Variants in CNTN3 observed in about 807,000 individuals in gnomAD.
The protein encoded by CNTN3 is contactin 3.
CNTN3 carries 60 observed loss-of-function variants against 119.1 expected under a neutral mutation model. That is an observed-to-expected ratio of 0.50 (90% CI 0.41 to 0.62). The LOEUF is 0.62. Among genes scored for constraint, CNTN3 ranks in the 20% least tolerant of loss-of-function variants. CNTN3 has a pLI of 0.00. For synonymous variants in CNTN3, 450 were observed against 438.7 expected, an observed-to-expected ratio of 1.03 and a Z score of -0.32; for missense variants, 1,101 against 1,242.4, an observed-to-expected ratio of 0.89 and a Z score of 1.71.
intron 5 of CNTN3, among the ~76,000 whole-genome samples, chr3:74,394,249 G>A (rs1315915767): frequency 1.3e-5 from 2 of 152,064 alleles, no homozygotes; most frequent in Non-Finnish European, 2.9e-5. Flanking sequence ...AAAACTGAAG[G>A]AAAAAACTGC....
chr3:74,285,615 C>G, intron 19 of CNTN3, 124 bp from the exon 20 acceptor site: 1 of 949,408 alleles, frequency 1.1e-6, no homozygotes, highest in Non-Finnish European at 1.6e-6. Context: ...TTACTGAAGA[C>G]CTACTATGTG....
chr3:74,547,198 T>C (rs575904167), intron 1 of CNTN3, among the ~76,000 whole-genome samples: 6 of 152,374 alleles, frequency 3.9e-5, no homozygotes, highest in African/African-American at 1.4e-4. Flanking sequence ...CAGTGGTTTA[T>C]AAAATTTACA....
intron 4 of CNTN3, among the ~76,000 whole-genome samples, chr3:74,453,709 T>C (rs1465038124): frequency 2.6e-5 from 4 of 151,106 alleles, no homozygotes; most frequent in East Asian, 2.0e-4. Context: ...GATTCTGGTA[T>C]GTTGTGTCTT....
chr3:74,364,369 G>C, intron 10 of CNTN3, 98 bp downstream of exon 10: 1 of 1,108,954 alleles, frequency 9.0e-7, no homozygotes, highest in Non-Finnish European at 1.3e-6. Context: ...ATTATTAGAT[G>C]TAGGAACCTA....
At chr3:74,322,514 A>C (rs1371666863) in intron 13 of CNTN3, among the ~76,000 whole-genome samples, 2 of 152,214 alleles carry the variant, frequency 1.3e-5, no homozygotes, top group Admixed American at 1.3e-4. Flanking sequence ...GAGGATGTAG[A>C]GTAGCAGGAA....
At chr3:74,476,653 T>A (rs1702660967) in intron 4 of CNTN3, among the ~76,000 whole-genome samples, 2 of 152,110 alleles carry the variant, frequency 1.3e-5, no homozygotes. Context: ...ACTTTAGAGT[T>A]AAACAAATAA....
At chr3:74,522,237 T>C (rs1481416933) in intron 1 of CNTN3, among the ~76,000 whole-genome samples, 1 of 151,954 alleles carries the variant, frequency 6.6e-6, no homozygotes, top group Non-Finnish European at 1.5e-5. Context: ...ATAATATTCT[T>C]AGGTGCCTGC....
chr3:74,516,144 T>A (rs1208450512), intron 2 of CNTN3, among the ~76,000 whole-genome samples: 1 of 152,024 alleles, frequency 6.6e-6, no homozygotes, highest in South Asian at 2.1e-4. Context: ...TAACAAGCTA[T>A]GTGACTTTGA....
chr3:74,418,592 T>G (rs1420366738), intron 5 of CNTN3, among the ~76,000 whole-genome samples: 1 of 151,642 alleles, frequency 6.6e-6, no homozygotes, highest in Non-Finnish European at 1.5e-5. Flanking sequence ...CCGCCCACCT[T>G]GGCTTCCCAA....
intron 4 of CNTN3, among the ~76,000 whole-genome samples, chr3:74,447,171 T>C (rs1393769615): frequency 6.6e-6 from 1 of 152,084 alleles, no homozygotes; most frequent in Non-Finnish European, 1.5e-5. Flanking sequence ...ATCACCATAC[T>C]TAGGCTTGAA....
At chr3:74,334,436 C>T (rs920518909) in intron 13 of CNTN3, among the ~76,000 whole-genome samples, 1 of 151,882 alleles carries the variant, frequency 6.6e-6, no homozygotes, top group African/African-American at 2.4e-5. Flanking sequence ...AACAAACACC[C>T]GTAAAAGAAA....
chr3:74,522,543 A>G (rs1439997909), intron 1 of CNTN3, among the ~76,000 whole-genome samples: 1 of 151,894 alleles, frequency 6.6e-6, no homozygotes, highest in Non-Finnish European at 1.5e-5. Context: ...AACAGACAGG[A>G]TGGAGAAGTA....
intron 10 of CNTN3, 111 bp from the exon 11 acceptor site, chr3:74,362,151 A>G (rs1424101051): frequency 8.6e-7 from 1 of 1,161,564 alleles, no homozygotes; most frequent in Admixed American, 2.5e-5. Flanking sequence ...TCAGGGTGTC[A>G]GTGCTTGATT....
chr3:74,474,317 A>G (rs1276591992), intron 4 of CNTN3, among the ~76,000 whole-genome samples: 2 of 152,198 alleles, frequency 1.3e-5, no homozygotes, highest in African/African-American at 4.8e-5. Flanking sequence ...GGTGGAGAAC[A>G]TCAGAAAAGA....
At chr3:74,328,936 G>C (rs1271510397) in intron 13 of CNTN3, among the ~76,000 whole-genome samples, 3 of 152,078 alleles carry the variant, frequency 2.0e-5, no homozygotes. Context: ...TTTGAATTTG[G>C]ACAAGATACA....
chr3:74,548,585 G>C (rs1703946276), intron 1 of CNTN3, among the ~76,000 whole-genome samples: 1 of 149,216 alleles, frequency 6.7e-6, no homozygotes. Flanking sequence ...ATTTTGGTTA[G>C]AATTTTTTAG....
intron 14 of CNTN3, 149 bp downstream of exon 14, chr3:74,302,541 C>T: frequency 1.8e-6 from 1 of 561,480 alleles, no homozygotes; most frequent in East Asian, 2.8e-5. Flanking sequence ...AGCACTCACC[C>T]CTATTGTCAT....
At chr3:74,483,958 C>G (rs1702807187) in intron 4 of CNTN3, among the ~76,000 whole-genome samples, 1 of 152,042 alleles carries the variant, frequency 6.6e-6, no homozygotes. Flanking sequence ...CTTTTTTTCT[C>G]TTACAAGTCA....
intron 4 of CNTN3, among the ~76,000 whole-genome samples, chr3:74,457,911 A>C (rs1702299155): frequency 6.6e-6 from 1 of 151,978 alleles, no homozygotes; most frequent in Non-Finnish European, 1.5e-5. Flanking sequence ...AAATAGCACC[A>C]CCCACACCCA....
Sources: allele counts gnomAD v4.1 joint callset (sites outside exome capture counted in the v4.1 genomes callset), GRCh38; gene constraint gnomAD v4.1.1; transcripts MANE v1.5; gene names NCBI Gene and HGNC (gene_info 2026-07-23, HGNC 2026-07-21).